Variants in SORCS2 observed in about 807,000 individuals in gnomAD.
SORCS2 encodes the protein sortilin related VPS10 domain containing receptor 2.
SORCS2 carries 100 observed loss-of-function variants against 141.6 expected under a neutral mutation model. That is an observed-to-expected ratio of 0.71 (90% CI 0.60 to 0.83). SORCS2 has a LOEUF of 0.83. Ranked by LOEUF, SORCS2 falls within the 40% of genes least tolerant of loss-of-function variation. SORCS2 has a pLI of 0.00. For synonymous variants in SORCS2, 789 were observed against 676.9 expected, an observed-to-expected ratio of 1.17 and a Z score of -2.57; for missense variants, 1,646 against 1,560.2, an observed-to-expected ratio of 1.05 and a Z score of -0.93.
intron 2 of SORCS2, among the ~76,000 whole-genome samples, chr4:7,502,347 G>T (rs13130816): frequency 6.6e-6 from 1 of 152,146 alleles, no homozygotes. Flanking sequence ...CTGTGGTCAT[G>T]GTGGTCCCCA....
chr4:7,436,404 A>G (rs529250477), intron 2 of SORCS2, among the ~76,000 whole-genome samples: 74 of 152,334 alleles, frequency 4.9e-4, no homozygotes, highest in Non-Finnish European at 8.8e-4. Flanking sequence ...GCTGAAGCAA[A>G]CAGAAGGGCC....
intron 1 of SORCS2, among the ~76,000 whole-genome samples, chr4:7,268,140 C>A (rs1714871066): frequency 6.6e-6 from 1 of 152,162 alleles, no homozygotes; most frequent in Admixed American, 6.5e-5. Context: ...CAGTCCATGG[C>A]CTTGGAGGAT....
intron 1 of SORCS2, among the ~76,000 whole-genome samples, chr4:7,198,033 G>A (rs1727267968): frequency 6.6e-6 from 1 of 152,218 alleles, no homozygotes. Context: ...TCAAGAAACA[G>A]CCCTGGAGGC....
chr4:7,621,497 CTA>C (rs980045740), intron 3 of SORCS2, among the ~76,000 whole-genome samples: 4 of 144,742 alleles, frequency 2.8e-5, no homozygotes, highest in African/African-American at 7.8e-5. Flanking sequence ...ATATGTGTGT[CTA>C]TGTGTGTCTG....
intron 1 of SORCS2, among the ~76,000 whole-genome samples, chr4:7,326,988 C>T (rs1560194723): frequency 6.6e-6 from 1 of 152,230 alleles, no homozygotes; most frequent in African/African-American, 2.4e-5. Flanking sequence ...GCCTCCGGGC[C>T]TCCACCCCTG....
At chr4:7,364,331 G>T (rs990606234) in intron 1 of SORCS2, among the ~76,000 whole-genome samples, 1 of 152,220 alleles carries the variant, frequency 6.6e-6, no homozygotes, top group Non-Finnish European at 1.5e-5. Context: ...TTTGGACAGG[G>T]AAATGCACCT....
chr4:7,573,361 C>G (rs1305146271), intron 3 of SORCS2, among the ~76,000 whole-genome samples: 4 of 152,178 alleles, frequency 2.6e-5, no homozygotes, highest in Admixed American at 6.5e-5. Context: ...GTGGCAAGAC[C>G]TCGGTTACTG....
chr4:7,269,753 C>T (rs1206685592), intron 1 of SORCS2, among the ~76,000 whole-genome samples: 1 of 152,182 alleles, frequency 6.6e-6, no homozygotes, highest in Non-Finnish European at 1.5e-5. Flanking sequence ...AATCTCAGCC[C>T]AGTGATACTG....
At chr4:7,518,423 GTCCTC>G (rs1733119604) in intron 2 of SORCS2, among the ~76,000 whole-genome samples, 1 of 152,168 alleles carries the variant, frequency 6.6e-6, no homozygotes, top group Non-Finnish European at 1.5e-5. Context: ...TCCTAGGCAA[GTCCTC>G]TCCACAGAAG....
chr4:7,588,015 G>A (rs1299286440), intron 3 of SORCS2, among the ~76,000 whole-genome samples: 1 of 152,134 alleles, frequency 6.6e-6, no homozygotes, highest in Non-Finnish European at 1.5e-5. Flanking sequence ...AACACCCAGG[G>A]GCAGAGTTTT....
intron 3 of SORCS2, among the ~76,000 whole-genome samples, chr4:7,627,136 C>G (rs1177844198): frequency 6.6e-6 from 1 of 152,098 alleles, no homozygotes; most frequent in Non-Finnish European, 1.5e-5. Flanking sequence ...CACGTGCGTG[C>G]CACCAAGCCC....
At chr4:7,299,362 A>G (rs13128743) in intron 1 of SORCS2, among the ~76,000 whole-genome samples, 138,233 of 152,244 alleles carry the variant, frequency 0.91, 62,911 homozygotes, top group Middle Eastern at 0.97. Flanking sequence ...TCCGCTCTCC[A>G]CCGCTTGTCT....
chr4:7,453,451 G>A (rs112265976), intron 2 of SORCS2, among the ~76,000 whole-genome samples: 2,201 of 138,552 alleles, frequency 0.016, 20 homozygotes, highest in Non-Finnish European at 0.026. Context: ...GCTGTGTTGG[G>A]GTCAGGCTCC....
intron 2 of SORCS2, among the ~76,000 whole-genome samples, chr4:7,529,272 C>T (rs1355384077): frequency 6.6e-6 from 1 of 152,162 alleles, no homozygotes; most frequent in African/African-American, 2.4e-5. Flanking sequence ...GCGGCCCCAC[C>T]ACCCCTCCCT....
intron 1 of SORCS2, among the ~76,000 whole-genome samples, chr4:7,223,801 C>T (rs1384718954): frequency 4.6e-5 from 7 of 152,112 alleles, no homozygotes; most frequent in African/African-American, 9.7e-5. Flanking sequence ...CCACACCTGT[C>T]GCCTGTGCAG....
intron 1 of SORCS2, among the ~76,000 whole-genome samples, chr4:7,298,719 G>T (rs545187500): frequency 1.3e-5 from 2 of 152,314 alleles, no homozygotes; most frequent in Non-Finnish European, 2.9e-5. Flanking sequence ...ATAGGGAGCG[G>T]GGCTCATGTC....
At chr4:7,639,273 T>A (rs1720476840) in intron 4 of SORCS2, among the ~76,000 whole-genome samples, 1 of 152,082 alleles carries the variant, frequency 6.6e-6, no homozygotes, top group East Asian at 1.9e-4. Flanking sequence ...GAGCTGCACT[T>A]CCCCCTGGGC....
chr4:7,602,685 G>A (rs980706754), intron 3 of SORCS2, among the ~76,000 whole-genome samples: 11 of 151,336 alleles, frequency 7.3e-5, no homozygotes, highest in Non-Finnish European at 1.3e-4. Context: ...CTGGGCGGCC[G>A]GGCAGAGGGG....
intron 1 of SORCS2, among the ~76,000 whole-genome samples, chr4:7,359,406 C>T (rs3894738): frequency 0.9 from 137,152 of 152,270 alleles, 61,880 homozygotes; most frequent in Non-Finnish European, 0.93. Context: ...AGTGCTGAAA[C>T]TACAGGCATG....
Sources: allele counts gnomAD v4.1 joint callset (sites outside exome capture counted in the v4.1 genomes callset), GRCh38; gene constraint gnomAD v4.1.1; transcripts MANE v1.5; gene names NCBI Gene and HGNC (gene_info 2026-07-23, HGNC 2026-07-21).